The following STK39 variants were observed in gnomAD, a reference collection of about 807,000 sequenced individuals.
STK39 encodes serine/threonine kinase 39, also known as STE20/SPS1-related proline-alanine-rich protein kinase.
In STK39, 20 loss-of-function variants were observed where a neutral mutation model predicts 77.8. That is an observed-to-expected ratio of 0.26 (90% CI 0.18 to 0.37). The LOEUF (loss-of-function observed/expected upper bound fraction) is 0.37, where lower values mean the gene tolerates loss of function less well. STK39 is among the 10% of genes least tolerant of loss of function. The pLI is 1.00. For missense variants in STK39, 479 were observed against 656.5 expected, an observed-to-expected ratio of 0.73 and a Z score of 2.95; for synonymous variants, 246 against 234.1, an observed-to-expected ratio of 1.05 and a Z score of -0.47.
intron 1 of STK39, among the ~76,000 whole-genome samples, chr2:168,203,305 A>G (rs1689658551): frequency 6.6e-6 from 1 of 152,182 alleles, no homozygotes; most frequent in South Asian, 2.1e-4. Context: ...CTTTCGACCC[A>G]TTAAGGTCCT....
At chr2:168,132,399 TA>T (rs778335568) in intron 8 of STK39, among the ~76,000 whole-genome samples, 11 of 149,556 alleles carry the variant, frequency 7.4e-5, no homozygotes, top group Non-Finnish European at 1.3e-4. Context: ...ATTAGCGTCT[TA>T]AAAAAAAAAT....
chr2:168,124,425 G>T (rs966945082), intron 10 of STK39, among the ~76,000 whole-genome samples: 12 of 152,080 alleles, frequency 7.9e-5, no homozygotes, highest in African/African-American at 2.9e-4. Flanking sequence ...TTTTGAGGCG[G>T]AGTCTCGATC....
chr2:168,164,695 A>G (rs1449841888), intron 3 of STK39, among the ~76,000 whole-genome samples: 1 of 152,236 alleles, frequency 6.6e-6, no homozygotes, highest in Non-Finnish European at 1.5e-5. Context: ...GGCATAAGCC[A>G]CTGAGCCTGG....
chr2:168,065,792 G>A (rs911532561), intron 12 of STK39, among the ~76,000 whole-genome samples: 12 of 152,252 alleles, frequency 7.9e-5, no homozygotes, highest in Non-Finnish European at 1.5e-4. Flanking sequence ...ATGAAAAGAC[G>A]TTGGGGTTAA....
intron 10 of STK39, among the ~76,000 whole-genome samples, chr2:168,117,660 G>T (rs1165579427): frequency 6.6e-6 from 1 of 151,952 alleles, no homozygotes; most frequent in Non-Finnish European, 1.5e-5. Flanking sequence ...AGTGTAGGGA[G>T]AGGCCTTCAT....
intron 10 of STK39, among the ~76,000 whole-genome samples, chr2:168,079,354 A>G (rs16854674): frequency 0.02 from 3,014 of 152,214 alleles, 104 homozygotes; most frequent in African/African-American, 0.069. Flanking sequence ...TCTAGATGCT[A>G]CACTTACTAG....
intron 5 of STK39, among the ~76,000 whole-genome samples, chr2:168,156,081 T>C (rs546573283): frequency 1.3e-5 from 2 of 152,310 alleles, no homozygotes; most frequent in African/African-American, 2.4e-5. Context: ...TGCTGTGTCA[T>C]AGGCTAGCTA....
intron 16 of STK39, among the ~76,000 whole-genome samples, chr2:167,973,395 G>A (rs1223432631): frequency 1.3e-5 from 2 of 152,242 alleles, no homozygotes; most frequent in Admixed American, 6.5e-5. Flanking sequence ...AATTAGCCAT[G>A]CCCCCTAGCT....
chr2:168,161,644 T>A, intron 5 of STK39, 143 bp downstream of exon 5: 1 of 562,840 alleles, frequency 1.8e-6, no homozygotes, highest in Non-Finnish European at 3.0e-6. Flanking sequence ...AAATATGTTA[T>A]CCTTCGGACC....
At chr2:168,247,064 A>ATT (rs1558896615) in intron 1 of STK39, among the ~76,000 whole-genome samples, 164 bp downstream of exon 1, 2 of 120,058 alleles carry the variant, frequency 1.7e-5, no homozygotes, top group African/African-American at 6.6e-5. Flanking sequence ...TAAAAATTAA[A>ATT]AAAAAAAAAA....
At chr2:167,984,645 A>G (rs1200890129) in intron 16 of STK39, among the ~76,000 whole-genome samples, 3 of 152,228 alleles carry the variant, frequency 2.0e-5, no homozygotes, top group Non-Finnish European at 2.9e-5. Context: ...ATGCTAAAAA[A>G]TGTTAGTGTT....
chr2:168,139,370 C>CTTTT (rs1284010250), intron 7 of STK39, among the ~76,000 whole-genome samples: 2 of 149,126 alleles, frequency 1.3e-5, no homozygotes, highest in African/African-American at 5.1e-5. Context: ...CCCACACACA[C>CTTTT]ACAAATACAC....
At chr2:168,081,787 A>G (rs961374867) in intron 10 of STK39, among the ~76,000 whole-genome samples, 4 of 152,112 alleles carry the variant, frequency 2.6e-5, no homozygotes, top group African/African-American at 9.7e-5. Context: ...TCTTTCCTAC[A>G]CTGTCCTCAT....
At chr2:168,109,304 C>T (rs1472791580) in intron 10 of STK39, among the ~76,000 whole-genome samples, 5 of 152,152 alleles carry the variant, frequency 3.3e-5, no homozygotes, top group Non-Finnish European at 7.4e-5. Flanking sequence ...TAAAATAGGA[C>T]ATCACTTAGT....
chr2:168,180,516 C>T (rs137909034), intron 2 of STK39, among the ~76,000 whole-genome samples: 3,572 of 152,162 alleles, frequency 0.023, 88 homozygotes, highest in East Asian at 0.076. Context: ...TAGAAGAAAA[C>T]TTCCAATTCA....
At chr2:168,236,259 A>T (rs2105271043) in intron 1 of STK39, among the ~76,000 whole-genome samples, 1 of 152,312 alleles carries the variant, frequency 6.6e-6, no homozygotes, top group African/African-American at 2.4e-5. Flanking sequence ...TCTTCTTTTG[A>T]GAAGTGTCTG....
intron 16 of STK39, among the ~76,000 whole-genome samples, chr2:167,986,465 C>T (rs1280246479): frequency 6.6e-6 from 1 of 152,144 alleles, no homozygotes; most frequent in Non-Finnish European, 1.5e-5. Context: ...GGGTCACATA[C>T]CACAAGTTCC....
intron 16 of STK39, among the ~76,000 whole-genome samples, chr2:167,986,393 G>A (rs538070975): frequency 2.8e-4 from 42 of 152,090 alleles, no homozygotes; most frequent in Non-Finnish European, 5.0e-4. Context: ...TCCTTGCAAT[G>A]ATATCACAAT....
chr2:168,246,186 C>A (rs1325972963), intron 1 of STK39, among the ~76,000 whole-genome samples: 3 of 152,142 alleles, frequency 2.0e-5, no homozygotes, highest in African/African-American at 4.8e-5. Context: ...AACATCCCAT[C>A]CCTGCGTCAG....
Sources: gnomAD v4.1 joint callset for allele counts (sites outside exome capture counted in the v4.1 genomes callset) on GRCh38, gnomAD v4.1.1 for gene constraint, MANE v1.5 for transcripts, NCBI Gene and HGNC (gene_info 2026-07-23, HGNC 2026-07-21) for gene names.